PARVG: variants seen among roughly 807,000 people sequenced by gnomAD.
PARVG encodes the protein parvin gamma, also known as gamma-parvin.
Under a neutral mutation model 44.4 loss-of-function variants are expected in PARVG, and 36 were observed. The ratio of observed to expected loss-of-function variants is 0.81; its 90% CI spans 0.62 to 1.07. The LOEUF (loss-of-function observed/expected upper bound fraction) is 1.07. PARVG is among the 50% of genes least tolerant of loss of function. The pLI, the probability that PARVG is intolerant of heterozygous loss-of-function variation, is 0.00. For synonymous variants in PARVG, 170 were observed against 174.1 expected, an observed-to-expected ratio of 0.98 and a Z score of 0.19; for missense variants, 407 against 407.4, an observed-to-expected ratio of 1.00 and a Z score of 0.01.
Position 44,180,961 on chromosome 22 carries a change from T to C in PARVG, c.-413T>C. On this transcript the variant is annotated 5_prime_UTR_variant, in exon 1 of 14. Transcript: ENST00000444313. ...CCAGCTCGGGTCTGAAGTGTTTCTC[T>C]ATCTACTGTGCTGAGATCTCTCCTT... 1 of 985,440 alleles carries C rather than the reference T, an allele frequency of 1.0e-6. No homozygotes were observed. The highest frequency in any genetic ancestry group is 1.2e-6 in the Non-Finnish European group (1 of 829,942). 61.0% of individuals were successfully genotyped at this position (985,440 alleles called of 1,614,324 possible).
At chr22:44,184,833 A>G (rs974991160) in intron 3 of PARVG, 19 of 152,240 alleles carry the variant, frequency 1.2e-4, no homozygotes, top group Admixed American at 1.0e-3. Flanking sequence ...CTGAGTTAGA[A>G]TAGTAGGACT....
upstream of PARVG, among the ~76,000 whole-genome samples, chr22:44,177,945 CA>C (rs1234452923): frequency 6.6e-6 from 1 of 152,104 alleles, no homozygotes; most frequent in Non-Finnish European, 1.5e-5. Context: ...TGTAATCGAT[CA>C]ATATTTATGA....
chr22:44,188,868 GGCTT>G, intron 5 of PARVG: 1 of 549,738 alleles, frequency 1.8e-6, no homozygotes, highest in Non-Finnish European at 3.3e-6. Context: ...AGGGGGCTGA[GGCTT>G]GCTCACATCA....
intron 1 of PARVG, 173 bp from the exon 2 acceptor site, chr22:44,181,569 T>C (rs1008648292): frequency 5.3e-6 from 3 of 570,502 alleles, no homozygotes; most frequent in Non-Finnish European, 6.6e-6. Flanking sequence ...GAAACTGGCA[T>C]GGTTTGGGGA....
chr22:44,174,391 C>G (rs954559949), intron 1 of PARVG, among the ~76,000 whole-genome samples: 1 of 152,062 alleles, frequency 6.6e-6, no homozygotes, highest in African/African-American at 2.4e-5. Context: ...GGCTTTAATT[C>G]TTTGTCTATT....
rs573151761 is a variant in PARVG at position 44,173,123 on chromosome 22, G to C, written c.-257G>C. The C allele has an allele frequency of 5.4e-5, 69 of 1,288,880 alleles. No individual in the cohort carries two copies. The African/African-American group carries it at 9.3e-4, about 17-fold the overall frequency. 79.8% of individuals were successfully genotyped at this position (1,288,880 alleles called of 1,614,324 possible). On this transcript the variant is annotated 5_prime_UTR_variant, in exon 1 of 14. Transcript: ENST00000422871. ...TGGTTCACAGCCCTTTGTGGGGGAT[G>C]GGACTTTGGGAACCCCAAACTTCTG...
Position 44,189,210 on chromosome 22 carries a change from G to A in PARVG, c.344G>A (p.Arg115Gln), listed in dbSNP as rs761655271. ...KLTVVLEAVN[R>Q]SLQLEEWQAK... ...ACAGTGGTGCTGGAGGCCGTGAACC[G>A]GAGTCTGCAGCTGGAGGAGTGGCAG... The change falls in exon 6 of 14, where the codon CGG (arginine) becomes CAG (glutamine). Residue 115 changes from arginine (R) to glutamine (Q), a missense_variant. By Grantham distance (43) the Arg-to-Gln change is conservative (BLOSUM62 1). Coordinates refer to ENST00000444313, the MANE Select transcript of PARVG (RefSeq NM_022141.7). The A allele has an allele frequency of 2.3e-5, 37 of 1,614,102 alleles. No homozygotes were observed. Among genetic ancestry groups the A allele is most frequent in the Admixed American group, 6.7e-5 (4 of 60,012 alleles).
chr22:44,197,176 AAGATCGTAGCCAG>A (rs2147234547), intron 11 of PARVG, among the ~76,000 whole-genome samples: 1 of 152,218 alleles, frequency 6.6e-6, no homozygotes, highest in African/African-American at 2.4e-5. Flanking sequence ...TTGGCTCATG[AAGATCGTAGCCAG>A]AGCTGCTGAC....
Position 44,206,483 on chromosome 22 carries a change from G to A in PARVG, c.*57G>A, listed in dbSNP as rs2054783982. The A allele has an allele frequency of 2.0e-6, 3 of 1,491,942 alleles. No individual in the cohort carries two copies. In the East Asian group the frequency reaches 6.8e-5, roughly 34 times the overall value. The allele number at this position is 1,491,942 out of a possible 1,614,324, so 92.4% of individuals were successfully genotyped here. A position where few individuals can be genotyped will look rare whatever the true frequency, so the allele number is the denominator to read the frequency against. On this transcript the variant is annotated 3_prime_UTR_variant, in exon 14 of 14. Transcript: ENST00000444313. Reference sequence around the variant, plus strand: ...TGTCAGCCCAGCTGGAGGGCCCGAGGCTGCAGGGTGTCCTCCCACAGTCCC... The same window carrying A: ...TGTCAGCCCAGCTGGAGGGCCCGAGACTGCAGGGTGTCCTCCCACAGTCCC...
intron 3 of PARVG, chr22:44,184,433 G>C (rs1476456785): frequency 6.6e-6 from 1 of 152,190 alleles, no homozygotes; most frequent in Non-Finnish European, 1.5e-5. Flanking sequence ...CTGCCTCCCA[G>C]GTTTAAGAGA....
intron 11 of PARVG, among the ~76,000 whole-genome samples, chr22:44,198,253 C>A (rs1166232383): frequency 1.3e-5 from 2 of 152,186 alleles, no homozygotes; most frequent in African/African-American, 2.4e-5. Flanking sequence ...AATGTGGCAG[C>A]CAGCGAGATG....
At chr22:44,181,470 G>A (rs2054375827) in intron 1 of PARVG, 2 of 883,944 alleles carry the variant, frequency 2.3e-6, no homozygotes, top group African/African-American at 3.6e-5. Flanking sequence ...GTGGAGGCCA[G>A]GCTGACAGGG....
chr22:44,176,689 C>T (rs556086402), upstream of PARVG, among the ~76,000 whole-genome samples: 3 of 151,756 alleles, frequency 2.0e-5, no homozygotes, highest in Non-Finnish European at 2.9e-5. Context: ...GTTTCAAACC[C>T]GCAGAAAAGT....
intron 4 of PARVG, chr22:44,186,199 C>T: frequency 6.5e-6 from 2 of 308,352 alleles, no homozygotes; most frequent in Admixed American, 8.0e-5. Context: ...CTGTCAGGGG[C>T]ACGCAGCTGC....
Position 44,183,317 on chromosome 22 carries a change from GGCTT to G in PARVG, c.-11_-8del. On this transcript the variant is annotated splice_region_variant and 5_prime_UTR_variant, in exon 3 of 14. Transcript: ENST00000444313. ...CGCCCTCTCCTGCCTCCTCTGTGCA[GGCTT>G]GGGAGGCGATGGAGCCGGAGTTCTT... 6.2e-7 allele frequency: 1 copy of G among 1,606,742 alleles called. No homozygotes were observed.
At chr22:44,184,955 C>G (rs1190035867) in intron 3 of PARVG, 1 of 152,198 alleles carries the variant, frequency 6.6e-6, no homozygotes. Context: ...ATGATTCAAG[C>G]GGCAAGAAGT....
rs530125870 is a variant in PARVG at position 44,181,094 on chromosome 22, C to T, written c.-280C>T. 2.6e-4 allele frequency: 167 copies of T among 646,568 alleles called. No homozygotes were observed. In the Middle Eastern group the frequency reaches 3.2e-3, roughly 12 times the overall value. 40.1% of individuals were successfully genotyped at this position (646,568 alleles called of 1,614,324 possible). On this transcript the variant is annotated 5_prime_UTR_variant, in exon 1 of 14. Coordinates refer to ENST00000444313, the MANE Select transcript of PARVG (RefSeq NM_022141.7). ...ATGCAGCCGTCAAGGCCCCATTCTCCTCTGGAAAGCCTTCCCGATCCCCTT... is the reference window on the plus strand; with the variant it reads ...ATGCAGCCGTCAAGGCCCCATTCTCTTCTGGAAAGCCTTCCCGATCCCCTT...
At chr22:44,193,970 T>A (rs922728793) in intron 9 of PARVG, 147 bp downstream of exon 9, 2 of 1,063,236 alleles carry the variant, frequency 1.9e-6, no homozygotes, top group Admixed American at 4.5e-5. Flanking sequence ...TATTCATTTG[T>A]CCCTCTTTCT....
At position 44,200,237 on chromosome 22, in the gene PARVG, T is replaced by G. The variant is rs376304159; in HGVS notation, c.813+1515T>G. ...CCTGGCCCATGAGAAGGGATTTTACTACTTTCCAAATAAGGAAAGAGAGGT... is the reference window on the plus strand; with the variant it reads ...CCTGGCCCATGAGAAGGGATTTTACGACTTTCCAAATAAGGAAAGAGAGGT... On this transcript the variant is annotated intron_variant, in intron 12 of 13. Coordinates refer to ENST00000444313, the MANE Select transcript of PARVG (RefSeq NM_022141.7). 2.0e-5 allele frequency among the ~76,000 whole-genome samples: 3 copies of G among 152,320 alleles called. No homozygotes were observed. The East Asian group carries it at 5.8e-4, about 29-fold the overall frequency.
Sources: gnomAD v4.1 joint callset for allele counts (sites outside exome capture counted in the v4.1 genomes callset) on GRCh38, gnomAD v4.1.1 for gene constraint, MANE v1.5 for transcripts, NCBI Gene and HGNC (gene_info 2026-07-23, HGNC 2026-07-21) for gene names.